Variants in MPPED2 observed in about 807,000 individuals in gnomAD.
MPPED2 encodes metallophosphoesterase domain containing 2.
A neutral mutation model predicts 33.0 loss-of-function variants in MPPED2; 5 were observed. The ratio of observed to expected loss-of-function variants is 0.15; its 90% CI spans 0.08 to 0.32. MPPED2 has a LOEUF of 0.32. Ranked by LOEUF, MPPED2 falls within the 10% of genes least tolerant of loss-of-function variation. The pLI is 1.00. For missense variants in MPPED2, 275 were observed against 372.1 expected, an observed-to-expected ratio of 0.74 and a Z score of 2.15; for synonymous variants, 136 against 141.9, an observed-to-expected ratio of 0.96 and a Z score of 0.29.
intron 3 of MPPED2, among the ~76,000 whole-genome samples, chr11:30,513,947 T>C (rs979516131): frequency 6.6e-6 from 1 of 152,186 alleles, no homozygotes; most frequent in Non-Finnish European, 1.5e-5. Context: ...TCTCCTGCCA[T>C]ACCCAAGGGA....
intron 4 of MPPED2, among the ~76,000 whole-genome samples, chr11:30,469,308 ATAG>A (rs1417847811): frequency 6.6e-6 from 1 of 152,216 alleles, no homozygotes; most frequent in Non-Finnish European, 1.5e-5. Context: ...GTAGTATTGA[ATAG>A]TAATGACAAC....
chr11:30,543,817 T>A (rs1955265586), intron 2 of MPPED2, among the ~76,000 whole-genome samples: 3 of 72,950 alleles, frequency 4.1e-5, no homozygotes, highest in Non-Finnish European at 9.6e-5. Context: ...TTTTTTTTTT[T>A]AAACTAGGAG....
rs543375423 is a variant in MPPED2, at chr11:30,499,673, A to G, written c.311-4152T>C. On this transcript the variant is annotated intron_variant, in intron 3 of 6. Transcript: ENST00000358117. ...AACAACCCTTGACACATACACACAC[A>G]CATACGTGCCTCAAACATGATCGTA... 2.0e-5 allele frequency among the ~76,000 whole-genome samples: 3 copies of G among 152,212 alleles called. No individual in the cohort carries two copies. In the South Asian group the frequency reaches 6.2e-4, roughly 32 times the overall value.
rs140950710 is a variant in MPPED2 at position 30,411,206 on chromosome 11, C to T, written c.*262G>A. ...AAAAGAAAGCTTGGCTGTCCTTTGG[C>T]GAACACTAACAATTTACAATGGCAT... On this transcript the variant is annotated 3_prime_UTR_variant, in exon 7 of 7. Coordinates refer to ENST00000358117, the MANE Select transcript of MPPED2 (RefSeq NM_001584.3). 5,718 of 1,095,716 alleles carry T rather than the reference C, an allele frequency of 5.2e-3. 22 individuals are homozygous for T. The highest frequency in any genetic ancestry group is 7.6e-3 in the African/African-American group (467 of 61,398). 67.9% of individuals were successfully genotyped at this position (1,095,716 alleles called of 1,614,324 possible).
At chr11:30,424,230 G>T (rs1051089548) in intron 4 of MPPED2, among the ~76,000 whole-genome samples, 1 of 152,142 alleles carries the variant, frequency 6.6e-6, no homozygotes, top group Non-Finnish European at 1.5e-5. Context: ...TTTATAATAG[G>T]GGGTGAAGAG....
At chr11:30,510,196 A>T (rs1435340282) in intron 3 of MPPED2, among the ~76,000 whole-genome samples, 1 of 150,196 alleles carries the variant, frequency 6.7e-6, no homozygotes, top group African/African-American at 2.5e-5. Context: ...GTTTAAGGCC[A>T]TTTTTTTTTC....
In MPPED2 at chr11:30,443,379, C is replaced by T. The variant is rs369630360; in HGVS notation, c.537-25746G>A. ...CCTGGGGTTTAGTAAAGTTAGATAACTTATCCAAGGTCACCCAGCACAGAT... is the reference window on the plus strand; with the variant it reads ...CCTGGGGTTTAGTAAAGTTAGATAATTTATCCAAGGTCACCCAGCACAGAT... On this transcript the variant is annotated intron_variant, in intron 4 of 6. Coordinates refer to ENST00000358117, the MANE Select transcript of MPPED2 (RefSeq NM_001584.3). 1.2e-4 allele frequency among the ~76,000 whole-genome samples: 19 copies of T among 152,218 alleles called. No homozygotes were observed. The East Asian group carries it at 1.9e-3, about 16-fold the overall frequency.
intron 4 of MPPED2, among the ~76,000 whole-genome samples, chr11:30,494,418 G>C (rs1952134766): frequency 6.6e-6 from 1 of 151,964 alleles, no homozygotes; most frequent in African/African-American, 2.4e-5. Context: ...CCGCATCCAG[G>C]GATTTAACCA....
At chr11:30,397,070 T>C (rs1180162376) in intron 6 of MPPED2, among the ~76,000 whole-genome samples, 3 of 152,176 alleles carry the variant, frequency 2.0e-5, no homozygotes, top group Admixed American at 6.5e-5. Context: ...TAGTGCTTTG[T>C]ATGTAAATTG....
intron 1 of MPPED2, among the ~76,000 whole-genome samples, chr11:30,581,289 C>T (rs781685616): frequency 5.3e-5 from 8 of 152,142 alleles, no homozygotes; most frequent in African/African-American, 1.2e-4. Context: ...CTTGGTGCAA[C>T]GTAATTCTCA....
At chr11:30,476,114 G>A (rs972236631) in intron 4 of MPPED2, among the ~76,000 whole-genome samples, 11 of 151,958 alleles carry the variant, frequency 7.2e-5, no homozygotes, top group Non-Finnish European at 1.3e-4. Context: ...TTAGTGGGTT[G>A]TAAGACTCCT....
At chr11:30,559,523 T>G (rs1956141995) in intron 2 of MPPED2, among the ~76,000 whole-genome samples, 1 of 152,182 alleles carries the variant, frequency 6.6e-6, no homozygotes, top group Non-Finnish European at 1.5e-5. Context: ...ATTAAAAGCT[T>G]ACTAATTAAA....
At chr11:30,537,180 A>T (rs1223125555) in intron 2 of MPPED2, among the ~76,000 whole-genome samples, 3 of 152,222 alleles carry the variant, frequency 2.0e-5, no homozygotes, top group African/African-American at 7.2e-5. Context: ...GGTTTGTCGC[A>T]GAGTTAAGGA....
At chr11:30,507,866 G>A (rs953414177) in intron 3 of MPPED2, among the ~76,000 whole-genome samples, 9 of 152,134 alleles carry the variant, frequency 5.9e-5, no homozygotes, top group African/African-American at 2.2e-4. Flanking sequence ...TAAAAAGTAC[G>A]TAGTATAATT....
intron 3 of MPPED2, chr11:30,501,718 C>T: frequency 2.1e-6 from 1 of 468,864 alleles, no homozygotes; most frequent in Non-Finnish European, 2.8e-6. Context: ...GAGCATGCAG[C>T]AAGGAATAGA....
At chr11:30,526,213 A>G (rs981521097) in intron 3 of MPPED2, among the ~76,000 whole-genome samples, 11 of 152,218 alleles carry the variant, frequency 7.2e-5, no homozygotes, top group African/African-American at 2.7e-4. Context: ...CTGTACTATT[A>G]CAGACAAAAC....
intron 2 of MPPED2, among the ~76,000 whole-genome samples, chr11:30,578,191 T>C (rs564240221): frequency 2.0e-5 from 3 of 152,194 alleles, no homozygotes; most frequent in South Asian, 2.1e-4. Flanking sequence ...AGAGCGTAAA[T>C]GTGTTACGCT....
At chr11:30,525,919 A>T (rs974262864) in intron 3 of MPPED2, among the ~76,000 whole-genome samples, 1 of 152,230 alleles carries the variant, frequency 6.6e-6, no homozygotes, top group African/African-American at 2.4e-5. Flanking sequence ...TCTTGTCCTC[A>T]GGTCACTAAT....
chr11:30,530,566 G>A (rs1331245275), intron 3 of MPPED2, among the ~76,000 whole-genome samples: 1 of 152,246 alleles, frequency 6.6e-6, no homozygotes, highest in Non-Finnish European at 1.5e-5. Flanking sequence ...CCTAGAGACG[G>A]TCATTCCAGG....
Sources: gnomAD v4.1 joint callset for allele counts (sites outside exome capture counted in the v4.1 genomes callset) on GRCh38, gnomAD v4.1.1 for gene constraint, MANE v1.5 for transcripts, NCBI Gene and HGNC (gene_info 2026-07-23, HGNC 2026-07-21) for gene names.